The following MTHFD1L variants were observed in gnomAD, a reference collection of about 807,000 sequenced individuals.
MTHFD1L encodes the protein methylenetetrahydrofolate dehydrogenase (NADP+ dependent) 1 like, also known as monofunctional C1-tetrahydrofolate synthase, mitochondrial.
A neutral mutation model predicts 119.5 loss-of-function variants in MTHFD1L; 81 were observed. The observed-to-expected ratio is 0.68, with a 90% CI of 0.57 to 0.82. The LOEUF (loss-of-function observed/expected upper bound fraction) is 0.82, where lower values mean the gene tolerates loss of function less well. Ranked by LOEUF, MTHFD1L falls within the 40% of genes least tolerant of loss-of-function variation. The pLI is 0.00. For synonymous variants in MTHFD1L, 430 were observed against 475.2 expected, an observed-to-expected ratio of 0.90 and a Z score of 1.24; for missense variants, 1,125 against 1,253.4, an observed-to-expected ratio of 0.90 and a Z score of 1.55.
At chr6:150,915,297 G>A (rs752301455) in intron 8 of MTHFD1L, among the ~76,000 whole-genome samples, 37 of 151,946 alleles carry the variant, frequency 2.4e-4, no homozygotes, top group Non-Finnish European at 4.3e-4. Flanking sequence ...TAGTGTTAGT[G>A]TATTTTATGT....
chr6:151,014,764 A>G, intron 22 of MTHFD1L, 116 bp from the exon 23 acceptor site: 2 of 676,390 alleles, frequency 3.0e-6, no homozygotes, highest in Non-Finnish European at 5.0e-6. Flanking sequence ...TTCTTGGAGG[A>G]AAAAGTGAAA....
At chr6:150,991,268 A>G (rs1779024720) in intron 20 of MTHFD1L, among the ~76,000 whole-genome samples, 1 of 152,206 alleles carries the variant, frequency 6.6e-6, no homozygotes, top group Non-Finnish European at 1.5e-5. Context: ...AAAGCAAAAA[A>G]AAAAAATTAT....
intron 20 of MTHFD1L, among the ~76,000 whole-genome samples, chr6:150,974,111 G>T (rs563379311): frequency 6.6e-6 from 1 of 152,302 alleles, no homozygotes; most frequent in Middle Eastern, 3.4e-3. Flanking sequence ...TAAGTCAGAG[G>T]TTTTACCTCA....
At chr6:150,917,244 C>T (rs1419824831) in intron 8 of MTHFD1L, among the ~76,000 whole-genome samples, 1 of 152,014 alleles carries the variant, frequency 6.6e-6, no homozygotes, top group Non-Finnish European at 1.5e-5. Flanking sequence ...GCTTTCTAGG[C>T]CAGGCATGGT....
chr6:151,086,933 TGAAAA>T (rs2128641746), intron 26 of MTHFD1L, among the ~76,000 whole-genome samples: 1 of 152,274 alleles, frequency 6.6e-6, no homozygotes, highest in Admixed American at 6.5e-5. Flanking sequence ...GTTACTTCAT[TGAAAA>T]GAAAATCTTT....
chr6:151,049,318 T>C (rs796438590), intron 26 of MTHFD1L, among the ~76,000 whole-genome samples: 19 of 152,214 alleles, frequency 1.2e-4, no homozygotes, highest in South Asian at 6.2e-4. Context: ...AGTGAAACCC[T>C]GTCTCTACTA....
chr6:151,016,334 CT>C (rs138675772), intron 24 of MTHFD1L, among the ~76,000 whole-genome samples: 101 of 145,340 alleles, frequency 6.9e-4, no homozygotes, highest in Non-Finnish European at 7.6e-4. Flanking sequence ...GTTCATTTCT[CT>C]TTTTTTTTTT....
rs143269665 is a variant in MTHFD1L, at chr6:151,013,811, T to C, written c.2298T>C (p.Tyr766=). The C allele has an allele frequency of 1.4e-4, 229 of 1,612,322 alleles. No individual in the cohort carries two copies. Among genetic ancestry groups the C allele is most frequent in the East Asian group, 6.2e-4 (28 of 44,888 alleles). ...VTAGVPLKKE[Y]TEENIQLVAD... is the part of the protein sequence containing the mutation. ...CTGGTGTTCCTCTTAAGAAAGAATA[T>C]ACAGAGGAGGTAAGAGGAGCTGTTT... Residue 766 remains tyrosine, a synonymous_variant, in exon 22 of 28, where the codon TAT becomes TAC. Transcript: ENST00000367321.
At chr6:151,067,888 A>C (rs1466635308) in intron 26 of MTHFD1L, among the ~76,000 whole-genome samples, 1 of 152,234 alleles carries the variant, frequency 6.6e-6, no homozygotes, top group Non-Finnish European at 1.5e-5. Flanking sequence ...TCATGGGGAC[A>C]CCAGCCAAAT....
Position 151,066,764 on chromosome 6 carries a change from C to CA in MTHFD1L, c.2848-25687dup, listed in dbSNP as rs1303162884. ...TGGGCAATAGAGCAAAACTCCGTCT[C>CA]AAAAAAAAAAAAAAAAGTGTCCTTT... is the stretch of plus-strand genomic sequence containing the variant. On this transcript the variant is annotated intron_variant, in intron 26 of 27. Coordinates refer to ENST00000367321, the MANE Select transcript of MTHFD1L (RefSeq NM_015440.5). Among the ~76,000 whole-genome samples the CA allele has an allele frequency of 9.3e-3, 934 of 99,934 alleles. 3 individuals carry two copies. Among genetic ancestry groups the CA allele is most frequent in the African/African-American group, 0.024 (642 of 26,548 alleles). The allele number at this position is 99,934 out of a possible 152,430, so 65.6% of individuals were successfully genotyped here. A position where few individuals can be genotyped will look rare whatever the true frequency, so the allele number is the denominator to read the frequency against.
intron 26 of MTHFD1L, among the ~76,000 whole-genome samples, chr6:151,063,981 A>G (rs559717297): frequency 6.6e-5 from 10 of 152,308 alleles, no homozygotes; most frequent in African/African-American, 2.4e-4. Flanking sequence ...GCTACTTAGA[A>G]TTTTAAAGGA....
chr6:150,884,141 ATTT>A (rs55821340), intron 5 of MTHFD1L, among the ~76,000 whole-genome samples: 1 of 130,620 alleles, frequency 7.7e-6, no homozygotes. Flanking sequence ...CCTCATCTCT[ATTT>A]TTTTTTTTTT....
intron 20 of MTHFD1L, among the ~76,000 whole-genome samples, chr6:150,974,252 A>G (rs1036305541): frequency 4.6e-5 from 7 of 152,186 alleles, no homozygotes; most frequent in African/African-American, 1.2e-4. Context: ...TGAGGCATCA[A>G]TGAGATCATG....
At chr6:150,906,248 C>T (rs1191547835) in intron 8 of MTHFD1L, among the ~76,000 whole-genome samples, 1 of 152,196 alleles carries the variant, frequency 6.6e-6, no homozygotes, top group Non-Finnish European at 1.5e-5. Flanking sequence ...CCAGAGTCAT[C>T]TCAGAACAGT....
intron 24 of MTHFD1L, among the ~76,000 whole-genome samples, chr6:151,022,756 G>A (rs1784119994): frequency 6.6e-6 from 1 of 152,122 alleles, no homozygotes; most frequent in Admixed American, 6.5e-5. Flanking sequence ...CTCCTGTTGT[G>A]CATTAGAATG....
chr6:150,998,995 A>AAAAAAAAAAAATGTATATAT (rs986639098), intron 20 of MTHFD1L, among the ~76,000 whole-genome samples: 8 of 143,584 alleles, frequency 5.6e-5, no homozygotes, highest in Non-Finnish European at 7.6e-5. Flanking sequence ...GTCTTAAAAA[A>AAAAAAAAAAAATGTATATAT]ATATATATAC....
chr6:150,890,700 C>T (rs1783105058), intron 7 of MTHFD1L, among the ~76,000 whole-genome samples: 2 of 152,128 alleles, frequency 1.3e-5, no homozygotes, highest in South Asian at 4.1e-4. Flanking sequence ...GAGACTGAGG[C>T]AAGTTTCAGA....
chr6:151,003,396 G>T (rs570021080), intron 20 of MTHFD1L, among the ~76,000 whole-genome samples: 3 of 152,150 alleles, frequency 2.0e-5, no homozygotes, highest in African/African-American at 4.8e-5. Context: ...GCCGAGCGTG[G>T]TGGTGGGTGC....
chr6:150,969,313 T>C (rs1478851118), intron 19 of MTHFD1L, among the ~76,000 whole-genome samples: 1 of 152,160 alleles, frequency 6.6e-6, no homozygotes, highest in Non-Finnish European at 1.5e-5. Flanking sequence ...TCTAAACCTG[T>C]TATTTCTTTG....
Sources: gnomAD v4.1 joint callset for allele counts (sites outside exome capture counted in the v4.1 genomes callset) on GRCh38, gnomAD v4.1.1 for gene constraint, MANE v1.5 for transcripts, NCBI Gene and HGNC (gene_info 2026-07-23, HGNC 2026-07-21) for gene names.